PTBP2: variants seen among roughly 807,000 people sequenced by gnomAD.
PTBP2 encodes polypyrimidine tract binding protein 2, also known as polypyrimidine tract-binding protein 2.
PTBP2 carries 13 observed loss-of-function variants against 61.4 expected under a neutral mutation model. That is an observed-to-expected ratio of 0.21 (90% CI 0.14 to 0.34). The LOEUF (loss-of-function observed/expected upper bound fraction) is 0.34. Among genes scored for constraint, PTBP2 ranks in the 10% least tolerant of loss-of-function variants. PTBP2 has a pLI of 1.00. For missense variants in PTBP2, 405 were observed against 642.6 expected, an observed-to-expected ratio of 0.63 and a Z score of 4.00; for synonymous variants, 215 against 218.5, an observed-to-expected ratio of 0.98 and a Z score of 0.14.
intron 11 of PTBP2, among the ~76,000 whole-genome samples, chr1:96,807,581 C>A (rs1661622215): frequency 6.6e-6 from 1 of 152,188 alleles, no homozygotes; most frequent in African/African-American, 2.4e-5. Context: ...CCAGGATGTT[C>A]TTACATTTCT....
chr1:96,766,776 C>G (rs2100996909), intron 3 of PTBP2, among the ~76,000 whole-genome samples: 1 of 152,228 alleles, frequency 6.6e-6, no homozygotes, highest in East Asian at 1.9e-4. Flanking sequence ...TAGTTTACTA[C>G]AGTAACTGGC....
At chr1:96,756,659 T>C (rs1655192268) in intron 3 of PTBP2, among the ~76,000 whole-genome samples, 1 of 152,100 alleles carries the variant, frequency 6.6e-6, no homozygotes, top group Non-Finnish European at 1.5e-5. Flanking sequence ...TCAGTGAACA[T>C]TACTAAATAA....
At chr1:96,801,861 CAAAAAA>C (rs397861502) in intron 8 of PTBP2, among the ~76,000 whole-genome samples, 4 of 75,536 alleles carry the variant, frequency 5.3e-5, no homozygotes. Context: ...GACTCCATCT[CAAAAAA>C]AAAAAAAAAA....
chr1:96,776,892 C>T (rs1157052725), intron 5 of PTBP2, among the ~76,000 whole-genome samples: 1 of 151,880 alleles, frequency 6.6e-6, no homozygotes, highest in East Asian at 1.9e-4. Context: ...AATAGTCTAT[C>T]TTCCATAGTT....
intron 7 of PTBP2, among the ~76,000 whole-genome samples, chr1:96,784,659 T>C (rs1000071003): frequency 5.3e-5 from 8 of 152,272 alleles, no homozygotes; most frequent in South Asian, 4.1e-4. Flanking sequence ...CTGAATCATA[T>C]AAGTACTGCC....
At chr1:96,796,069 C>G (rs921465919) in intron 8 of PTBP2, among the ~76,000 whole-genome samples, 1 of 152,082 alleles carries the variant, frequency 6.6e-6, no homozygotes, top group African/African-American at 2.4e-5. Context: ...GTATAGTGGA[C>G]ATGTTGGGAT....
chr1:96,802,198 G>A (rs1428051945), intron 8 of PTBP2, among the ~76,000 whole-genome samples: 1 of 118,424 alleles, frequency 8.4e-6, no homozygotes, highest in Non-Finnish European at 1.6e-5. Context: ...GAGACACAGC[G>A]AGACTCCGTC....
Position 96,804,849 on chromosome 1 carries a change from AGCTGCTGCAGCT to A in PTBP2, c.962_973del (p.Ala321_Ala324del). The A allele has an allele frequency of 1.9e-6, 3 of 1,610,860 alleles. No homozygotes were observed. Among genetic ancestry groups the A allele is most frequent in the Admixed American group, 1.7e-5 (1 of 59,998 alleles). On this transcript the variant is annotated inframe_deletion, in exon 9 of 14. Transcript: ENST00000674951. ...TGGCCATTCCAAATGCTGCTGCAGC[AGCTGCTGCAGCT>A]GCTGCTGGCCGAGTGGGTATGCCTG...
Position 96,777,730 on chromosome 1 carries a change from C to G in PTBP2, c.578C>G (p.Thr193Arg). 1 of 1,601,244 alleles carries G rather than the reference C, an allele frequency of 6.2e-7. No homozygotes were observed. The highest frequency in any genetic ancestry group is 8.5e-7 in the Non-Finnish European group (1 of 1,173,368). Residue 193 changes from threonine to arginine, a missense_variant, in exon 6 of 14, where the codon ACA becomes AGA. Coordinates refer to ENST00000674951, the MANE Select transcript of PTBP2 (RefSeq NM_021190.4). Reference sequence around the variant, plus strand: ...ATTGACAACATGTACTACCCTGTAACACTTGATGTTCTTCACCAAGTAAGT... The same window carrying G: ...ATTGACAACATGTACTACCCTGTAAGACTTGATGTTCTTCACCAAGTAAGT... ...IIIDNMYYPV[T>R]LDVLHQIFSK...
At chr1:96,748,632 A>C (rs2100897567) in intron 2 of PTBP2, among the ~76,000 whole-genome samples, 1 of 152,326 alleles carries the variant, frequency 6.6e-6, no homozygotes, top group African/African-American at 2.4e-5. Flanking sequence ...TGAATCTAAA[A>C]TTGATATCAT....
intron 2 of PTBP2, among the ~76,000 whole-genome samples, chr1:96,730,112 A>G (rs757752791): frequency 1.3e-5 from 2 of 152,110 alleles, no homozygotes; most frequent in Non-Finnish European, 2.9e-5. Flanking sequence ...AATTTGTGTC[A>G]TCTTTTTTCC....
downstream of PTBP2, chr1:96,816,582 TAACC>T (rs1381010555): frequency 6.6e-6 from 1 of 152,182 alleles, no homozygotes; most frequent in Non-Finnish European, 1.5e-5. Flanking sequence ...AATTTTTCCT[TAACC>T]AGGAAGTGTA....
At chr1:96,730,577 T>C (rs1437126036) in intron 2 of PTBP2, among the ~76,000 whole-genome samples, 1 of 152,224 alleles carries the variant, frequency 6.6e-6, no homozygotes, top group Admixed American at 6.5e-5. Context: ...GACTTGGATC[T>C]TTGTAAACAT....
chr1:96,770,915 A>G (rs1344552217), intron 5 of PTBP2, 64 bp downstream of exon 5: 2 of 1,364,694 alleles, frequency 1.5e-6, no homozygotes, highest in Non-Finnish European at 2.1e-6. Context: ...ATAAACATTA[A>G]TAGGAAGGAA....
At chr1:96,808,971 A>G (rs1661770915) in intron 11 of PTBP2, among the ~76,000 whole-genome samples, 2 of 152,190 alleles carry the variant, frequency 1.3e-5, no homozygotes, top group Non-Finnish European at 2.9e-5. Flanking sequence ...TGAAAGGAAA[A>G]GGATGTAAAG....
chr1:96,724,733 C>T (rs907272205), intron 2 of PTBP2, among the ~76,000 whole-genome samples: 5 of 151,072 alleles, frequency 3.3e-5, no homozygotes, highest in Admixed American at 2.0e-4. Context: ...GGAGGGATAG[C>T]TTTAGGAGAT....
downstream of PTBP2, chr1:96,817,348 G>A (rs1411462188): frequency 6.7e-6 from 1 of 150,024 alleles, no homozygotes; most frequent in Non-Finnish European, 1.5e-5. Context: ...GAGTATACTA[G>A]GAAATCTGAT....
At chr1:96,763,341 C>G (rs913495162) in intron 3 of PTBP2, among the ~76,000 whole-genome samples, 4 of 152,036 alleles carry the variant, frequency 2.6e-5, no homozygotes, top group Non-Finnish European at 5.9e-5. Context: ...CTCGGGAGGC[C>G]GAGGCTGGCG....
At position 96,783,387 on chromosome 1, in the gene PTBP2, T is replaced by A. The variant is rs570505272; in HGVS notation, c.709-1672T>A. Among the ~76,000 whole-genome samples the A allele has an allele frequency of 2.0e-5, 3 of 152,114 alleles. No homozygotes were observed. The South Asian group carries it at 6.2e-4, about 32-fold the overall frequency. On this transcript the variant is annotated intron_variant, in intron 7 of 13. Coordinates refer to ENST00000674951, the MANE Select transcript of PTBP2 (RefSeq NM_021190.4). Reference sequence around the variant, plus strand: ...AAGTTTTTGTTTTTGTTTTTAATGTTCAGAGGGAAAATTTCAAAGGGTCCT... The same window carrying A: ...AAGTTTTTGTTTTTGTTTTTAATGTACAGAGGGAAAATTTCAAAGGGTCCT...
Sources: allele counts gnomAD v4.1 joint callset (sites outside exome capture counted in the v4.1 genomes callset), GRCh38; gene constraint gnomAD v4.1.1; transcripts MANE v1.5; gene names NCBI Gene and HGNC (gene_info 2026-07-23, HGNC 2026-07-21).